Variants in APBA1 observed in about 807,000 individuals in gnomAD.
APBA1 encodes the protein amyloid-beta A4 precursor protein-binding family A member 1.
Under a neutral mutation model 86.6 loss-of-function variants are expected in APBA1, and 55 were observed. That is an observed-to-expected ratio of 0.64 (90% confidence interval 0.51 to 0.80). The LOEUF (loss-of-function observed/expected upper bound fraction) is 0.80, where lower values mean the gene tolerates loss of function less well. Among genes scored for constraint, APBA1 ranks in the 30% least tolerant of loss-of-function variants. APBA1 has a pLI of 0.00. For synonymous variants in APBA1, 511 were observed against 493.9 expected (o/e 1.03, Z -0.46); for missense variants, 1,090 against 1,183.0 (o/e 0.92, Z 1.15).
intron 3 of APBA1, among the ~76,000 whole-genome samples, chr9:69,473,548 C>A (rs549434045): frequency 6.6e-6 from 1 of 152,272 alleles, no homozygotes; most frequent in African/African-American, 2.4e-5. Context: ...CAGATTTTAG[C>A]AGAAGCTACA....
chr9:69,595,193 C>A (rs921589696), intron 1 of APBA1, among the ~76,000 whole-genome samples: 1 of 152,154 alleles, frequency 6.6e-6, no homozygotes. Flanking sequence ...TGGGTAATAT[C>A]TGTAATATTG....
At chr9:69,648,985 G>A (rs1031209472) in intron 1 of APBA1, among the ~76,000 whole-genome samples, 1 of 152,092 alleles carries the variant, frequency 6.6e-6, no homozygotes, top group African/African-American at 2.4e-5. Context: ...CCCTCCAGAA[G>A]CACAAAACAG....
At chr9:69,562,017 G>A (rs1029376623) in intron 1 of APBA1, among the ~76,000 whole-genome samples, 1 of 152,070 alleles carries the variant, frequency 6.6e-6, no homozygotes, top group Non-Finnish European at 1.5e-5. Context: ...ATGGGGGGAA[G>A]GTGATACATT....
intron 1 of APBA1, among the ~76,000 whole-genome samples, chr9:69,578,983 A>G (rs1480824991): frequency 6.6e-6 from 1 of 152,180 alleles, no homozygotes; most frequent in Non-Finnish European, 1.5e-5. Flanking sequence ...CCATTCTTTT[A>G]CTGAGTAAAA....
At chr9:69,461,113 C>T (rs1020661257) in intron 5 of APBA1, 2 of 152,090 alleles carry the variant, frequency 1.3e-5, no homozygotes, top group Admixed American at 6.5e-5. Context: ...TCCAAGTACC[C>T]TGCAACAAAT....
At chr9:69,501,602 C>A (rs1251022178) in intron 2 of APBA1, among the ~76,000 whole-genome samples, 2 of 150,256 alleles carry the variant, frequency 1.3e-5, no homozygotes, top group Non-Finnish European at 3.0e-5. Context: ...CCAGCCTGGG[C>A]AACATAACAA....
At chr9:69,489,244 G>A (rs577669069) in intron 2 of APBA1, among the ~76,000 whole-genome samples, 29 of 152,168 alleles carry the variant, frequency 1.9e-4, no homozygotes, top group African/African-American at 6.7e-4. Context: ...CAAGGCTACA[G>A]TAACCAAAAC....
rs71507121 is a variant in APBA1 at position 69,569,448 on chromosome 9, AGTGTGTGTGTGTGT to A, written c.-69-52183_-69-52170del. On this transcript the variant is annotated intron_variant, in intron 1 of 12. Coordinates refer to ENST00000265381, the MANE Select transcript of APBA1 (RefSeq NM_001163.4). ...GAGACATTTTTGGTTGTCACGTGTG[AGTGTGTGTGTGTGT>A]GTGTGTGTGTGTGTGTGTGTGTGTG... is the stretch of plus-strand genomic sequence containing the variant. Among the ~76,000 whole-genome samples, 543 of 145,064 alleles carry A rather than the reference AGTGTGTGTGTGTGT, an allele frequency of 3.7e-3. 1 individual carries two copies. Among genetic ancestry groups the A allele is most frequent in the African/African-American group, 0.012 (468 of 39,392 alleles).
At chr9:69,435,448 C>T (rs1409603315) in intron 11 of APBA1, among the ~76,000 whole-genome samples, 2 of 152,060 alleles carry the variant, frequency 1.3e-5, no homozygotes, top group Non-Finnish European at 2.9e-5. Context: ...ACATCCTCTC[C>T]AGCACCTGTT....
At chr9:69,510,818 G>A (rs1244205850) in intron 2 of APBA1, among the ~76,000 whole-genome samples, 1 of 146,916 alleles carries the variant, frequency 6.8e-6, no homozygotes, top group Non-Finnish European at 1.5e-5. Flanking sequence ...ATAAGCAATG[G>A]GGAAAGGATT....
At chr9:69,475,657 C>G (rs1054849138) in intron 3 of APBA1, among the ~76,000 whole-genome samples, 5 of 152,192 alleles carry the variant, frequency 3.3e-5, no homozygotes, top group Admixed American at 6.5e-5. Flanking sequence ...AACTGCAAGC[C>G]CATGGCATCA....
chr9:69,582,527 C>G (rs12553894), intron 1 of APBA1, among the ~76,000 whole-genome samples: 9,277 of 152,230 alleles, frequency 0.061, 348 homozygotes, highest in African/African-American at 0.094. Context: ...AATATTACTT[C>G]CCATTCCACC....
intron 1 of APBA1, among the ~76,000 whole-genome samples, chr9:69,618,231 G>T (rs963651924): frequency 6.6e-6 from 1 of 152,120 alleles, no homozygotes; most frequent in Non-Finnish European, 1.5e-5. Flanking sequence ...ACACTAACTT[G>T]GTGGAACATC....
intron 1 of APBA1, among the ~76,000 whole-genome samples, chr9:69,538,375 G>A (rs1228448780): frequency 6.6e-6 from 1 of 152,200 alleles, no homozygotes; most frequent in Admixed American, 6.5e-5. Flanking sequence ...GAAAATCTGT[G>A]CTGATTTTCC....
At position 69,455,525 on chromosome 9, in the gene APBA1, TTC is replaced by T. The variant is rs201120509; in HGVS notation, c.1788+720_1788+721del. On this transcript the variant is annotated intron_variant, in intron 8 of 12. Transcript: ENST00000265381. ...GAATGGCTTCTGTTGTAAACAAATT[TTC>T]TCTGTTGACTGCATCACCCAGAGAA... Among the ~76,000 whole-genome samples, 1,352 of 152,236 alleles carry T rather than the reference TTC, an allele frequency of 8.9e-3. 18 individuals are homozygous for T. Among genetic ancestry groups the T allele is most frequent in the African/African-American group, 0.031 (1,280 of 41,514 alleles).
intron 3 of APBA1, chr9:69,474,246 A>T: frequency 6.6e-6 from 1 of 152,210 alleles, no homozygotes; most frequent in East Asian, 1.9e-4. Context: ...GTGACCTGCA[A>T]ACACTTTCTA....
At chr9:69,469,781 T>C (rs765634574) in intron 4 of APBA1, among the ~76,000 whole-genome samples, 6 of 152,258 alleles carry the variant, frequency 3.9e-5, no homozygotes, top group Non-Finnish European at 7.3e-5. Context: ...TCAGTTCTTC[T>C]ATGATAAGTT....
In APBA1 at chr9:69,516,322, C is replaced by T. The variant is rs1277984386; in HGVS notation, c.889G>A (p.Glu297Lys). The stretch of plus-strand genomic sequence containing the variant: ...GTAGGGGGACGCTCCAGGTCCTGCT[C>T]GGCCTCAGGCATGTCCTCGGCTGCC... The part of the protein sequence containing the change: ...DKAAEDMPEA[E>K]QDLERPPTPA... The change falls in exon 2 of 13, where the codon GAG becomes AAG. Residue 297 changes from glutamate (E) to lysine (K), a missense_variant. Transcript: ENST00000265381. The surrounding 1 kb of genome is among the most constrained non-coding windows in gnomAD (Gnocchi z 7.3). The T allele has an allele frequency of 3.1e-6, 5 of 1,591,236 alleles. No individual in the cohort carries two copies. The highest frequency in any genetic ancestry group is 1.3e-5 in the African/African-American group (1 of 74,190).
At chr9:69,460,762 C>T (rs1256795932) in intron 5 of APBA1, 1 of 151,638 alleles carries the variant, frequency 6.6e-6, no homozygotes, top group African/African-American at 2.4e-5. Flanking sequence ...CAGAGTCTCG[C>T]TCTATCACCC....
Sources: allele counts gnomAD v4.1 joint callset (sites outside exome capture counted in the v4.1 genomes callset), GRCh38; gene constraint gnomAD v4.1.1; non-coding constraint Gnocchi (gnomAD v3.1); transcripts MANE v1.5; gene names NCBI Gene and HGNC (gene_info 2026-07-23, HGNC 2026-07-21).